NTNG2: variants seen among roughly 807,000 people sequenced by gnomAD.
The protein encoded by NTNG2 is netrin G2.
A neutral mutation model predicts 47.6 loss-of-function variants in NTNG2; 15 were observed. The ratio of observed to expected loss-of-function variants is 0.32; its 90% CI spans 0.21 to 0.49. NTNG2 has a LOEUF of 0.49. NTNG2 is among the 20% of genes least tolerant of loss of function. The pLI is 0.99. For missense variants in NTNG2, 578 were observed against 764.6 expected, an observed-to-expected ratio of 0.76 and a Z score of 2.88; for synonymous variants, 307 against 324.6, an observed-to-expected ratio of 0.95 and a Z score of 0.58.
intron 2 of NTNG2, among the ~76,000 whole-genome samples, chr9:132,173,543 CCTAA>C (rs1369682860): frequency 6.6e-6 from 1 of 152,216 alleles, no homozygotes. Flanking sequence ...CTCTATGCTT[CCTAA>C]CTCTGATGTT....
intron 1 of NTNG2, chr9:132,165,976 C>T (rs1835484208): frequency 6.6e-6 from 1 of 152,158 alleles, no homozygotes; most frequent in South Asian, 2.1e-4. Flanking sequence ...TAATTTGTTG[C>T]AGGTGTTGTT....
At chr9:132,225,877 C>T (rs79903499) in intron 3 of NTNG2, among the ~76,000 whole-genome samples, 3,444 of 152,262 alleles carry the variant, frequency 0.023, 133 homozygotes, top group African/African-American at 0.078. Context: ...GCCGGAGTTT[C>T]CTCGAGTCCA....
intron 2 of NTNG2, among the ~76,000 whole-genome samples, chr9:132,171,604 C>T (rs1220511047): frequency 6.6e-6 from 1 of 152,224 alleles, no homozygotes; most frequent in Non-Finnish European, 1.5e-5. Context: ...GCTTTAGCTT[C>T]TCTGTGCCTC....
At chr9:132,186,521 C>A (rs764391082) in intron 2 of NTNG2, among the ~76,000 whole-genome samples, 3 of 152,228 alleles carry the variant, frequency 2.0e-5, no homozygotes, top group Non-Finnish European at 4.4e-5. Flanking sequence ...CAGGGGTCTG[C>A]GGTCCTGATG....
At chr9:132,184,608 C>T (rs1794505431) in intron 2 of NTNG2, among the ~76,000 whole-genome samples, 1 of 152,136 alleles carries the variant, frequency 6.6e-6, no homozygotes, top group African/African-American at 2.4e-5. Flanking sequence ...ATCCAAAGGG[C>T]GGGAGAGACT....
chr9:132,192,484 G>A (rs1837971466), intron 2 of NTNG2, among the ~76,000 whole-genome samples: 1 of 152,186 alleles, frequency 6.6e-6, no homozygotes, highest in Non-Finnish European at 1.5e-5. Context: ...CCAGCTACCT[G>A]GGAGACTGAG....
chr9:132,197,839 G>T lies in NTNG2; in HGVS notation c.214-127G>T, dbSNP rs1015171663. On this transcript the variant is annotated intron_variant, in intron 2 of 7. Coordinates refer to ENST00000393229, the MANE Select transcript of NTNG2 (RefSeq NM_032536.4). This position sits in a 1 kb window ranked among gnomAD's most constrained non-coding sequence, Gnocchi z 4.3. Reference sequence around the variant, plus strand: ...ATCTCCCAGCTGTGTCTGGGCACCGGAGCACAGGCCCTGTAGCCACAGAGC... The same window carrying T: ...ATCTCCCAGCTGTGTCTGGGCACCGTAGCACAGGCCCTGTAGCCACAGAGC... 4.9e-5 allele frequency: 42 copies of T among 854,102 alleles called. No homozygotes were observed. The highest frequency in any genetic ancestry group is 6.9e-5 in the Non-Finnish European group (39 of 564,198). The allele number at this position is 854,102 out of a possible 1,614,324, so 52.9% of individuals were successfully genotyped here. A position where few individuals can be genotyped will look rare whatever the true frequency, so the allele number is the denominator to read the frequency against.
At chr9:132,200,988 C>T (rs373761912) in intron 3 of NTNG2, among the ~76,000 whole-genome samples, 2 of 152,382 alleles carry the variant, frequency 1.3e-5, no homozygotes, top group African/African-American at 2.4e-5. Context: ...GGGCTGGGAA[C>T]CAGCTCCCCA....
Position 132,241,937 on chromosome 9 carries a change from G to A in NTNG2, c.1419G>A (p.Gln473=), listed in dbSNP as rs764801164. ...ACGGAGGCACCTGCCTGCAGAACCAGCGCTGCGCCTGCCCGCGCGGCTACA... is the reference window on the plus strand; with the variant it reads ...ACGGAGGCACCTGCCTGCAGAACCAACGCTGCGCCTGCCCGCGCGGCTACA... ...CQNGGTCLQN[Q]RCACPRGYTG... is the part of the protein sequence containing the mutation. The change falls in exon 8 of 8, where the codon CAG becomes CAA. Residue 473 remains glutamine, a synonymous_variant. Transcript: ENST00000393229. 2 of 1,568,046 alleles carry A rather than the reference G, an allele frequency of 1.3e-6. No individual in the cohort carries two copies. Among genetic ancestry groups the A allele is most frequent in the South Asian group, 2.3e-5 (2 of 87,044 alleles).
chr9:132,237,341 G>T (rs12003562), intron 5 of NTNG2, among the ~76,000 whole-genome samples: 1 of 152,172 alleles, frequency 6.6e-6, no homozygotes, highest in Non-Finnish European at 1.5e-5. Context: ...GGCCCAGGGC[G>T]GCTCGGAAGC....
chr9:132,194,921 G>A (rs1038116486), intron 2 of NTNG2, among the ~76,000 whole-genome samples: 7 of 152,202 alleles, frequency 4.6e-5, no homozygotes, highest in Admixed American at 2.6e-4. Flanking sequence ...CTCAGAAGGC[G>A]GTGGGCCCCA....
chr9:132,163,946 G>A lies in NTNG2; in HGVS notation c.-484+1707G>A, dbSNP rs543356120. On this transcript the variant is annotated intron_variant, in intron 1 of 7. Coordinates refer to ENST00000393229, the MANE Select transcript of NTNG2 (RefSeq NM_032536.4). This position sits in a 1 kb window ranked among gnomAD's most constrained non-coding sequence, Gnocchi z 7.2. ...AGCTGCAGTTTCTTAATAATATCAG[G>A]TGAAGATAAATTTTCCACGGAGAAA... 3.3e-5 allele frequency among the ~76,000 whole-genome samples: 5 copies of A among 152,262 alleles called. No individual in the cohort carries two copies. Among genetic ancestry groups the A allele is most frequent in the African/African-American group, 1.2e-4 (5 of 41,528 alleles).
chr9:132,181,098 T>C (rs1836902159), intron 2 of NTNG2, among the ~76,000 whole-genome samples: 1 of 152,160 alleles, frequency 6.6e-6, no homozygotes, highest in South Asian at 2.1e-4. Flanking sequence ...TTTCTCTTTT[T>C]TTTGAGACAG....
rs927970320 is a variant in NTNG2 at position 132,219,219 on chromosome 9, A to AC, written c.858-7629dup. Among the ~76,000 whole-genome samples, 17 of 150,790 alleles carry AC rather than the reference A, an allele frequency of 1.1e-4. No homozygotes were observed. In the South Asian group the frequency reaches 3.4e-3, roughly 30 times the overall value. On this transcript the variant is annotated intron_variant, in intron 3 of 7. Coordinates refer to ENST00000393229, the MANE Select transcript of NTNG2 (RefSeq NM_032536.4). ...TGACAGAGCAAGACTCTGTCTCAAAACAAAAAAAAAAAAGAAAAAAAAAGT... is the reference window on the plus strand; with the variant it reads ...TGACAGAGCAAGACTCTGTCTCAAAACCAAAAAAAAAAAAGAAAAAAAAAGT...
At chr9:132,235,464 G>A (rs1285659086) in intron 5 of NTNG2, among the ~76,000 whole-genome samples, 2 of 152,232 alleles carry the variant, frequency 1.3e-5, no homozygotes, top group Non-Finnish European at 2.9e-5. Flanking sequence ...CTGAAATAGT[G>A]TAGATGCTGC....
intron 5 of NTNG2, chr9:132,232,535 C>G (rs1310784396): frequency 1.3e-5 from 2 of 152,580 alleles, no homozygotes; most frequent in African/African-American, 4.8e-5. Flanking sequence ...GGCCTCTGCT[C>G]TCACCTGGAC....
At chr9:132,189,305 C>A (rs1281262492) in intron 2 of NTNG2, among the ~76,000 whole-genome samples, 1 of 151,510 alleles carries the variant, frequency 6.6e-6, no homozygotes, top group African/African-American at 2.4e-5. Flanking sequence ...TGTTGCCTGG[C>A]CTCATGGGAG....
intron 3 of NTNG2, among the ~76,000 whole-genome samples, chr9:132,207,529 G>A (rs1222323096): frequency 6.6e-6 from 1 of 152,154 alleles, no homozygotes; most frequent in East Asian, 1.9e-4. Context: ...TCGGATAAGG[G>A]CCCGCCCTCC....
intron 2 of NTNG2, among the ~76,000 whole-genome samples, chr9:132,196,742 G>A (rs187939771): frequency 2.4e-4 from 36 of 152,276 alleles, no homozygotes; most frequent in Middle Eastern, 3.4e-3. Context: ...CTGGGTGTCC[G>A]ATGATTCCGT....
Sources: allele counts gnomAD v4.1 joint callset (sites outside exome capture counted in the v4.1 genomes callset), GRCh38; gene constraint gnomAD v4.1.1; non-coding constraint Gnocchi (gnomAD v3.1); transcripts MANE v1.5; gene names NCBI Gene and HGNC (gene_info 2026-07-23, HGNC 2026-07-21).